HDAC9: variants seen among roughly 807,000 people sequenced by gnomAD.
The protein encoded by HDAC9 is histone deacetylase 9, also known as MEF-2 interacting transcription repressor (MITR) protein.
Under a neutral mutation model 139.4 loss-of-function variants are expected in HDAC9, and 41 were observed. The observed-to-expected ratio is 0.29, with a 90% CI of 0.23 to 0.38. HDAC9 has a LOEUF of 0.38. Ranked by LOEUF, HDAC9 falls within the 10% of genes least tolerant of loss-of-function variation. The pLI, the probability that HDAC9 is intolerant of heterozygous loss-of-function variation, is 1.00. For missense variants in HDAC9, 1,147 were observed against 1,297.0 expected, an observed-to-expected ratio of 0.88 and a Z score of 1.78; for synonymous variants, 517 against 476.2, an observed-to-expected ratio of 1.09 and a Z score of -1.12.
At chr7:18,644,214 A>T (rs1268252882) in intron 8 of HDAC9, among the ~76,000 whole-genome samples, 1 of 152,156 alleles carries the variant, frequency 6.6e-6, no homozygotes, top group Non-Finnish European at 1.5e-5. Context: ...ATATGGTGAT[A>T]TTTAATCTAA....
At chr7:18,473,425 G>C (rs1320980732) in intron 1 of HDAC9, among the ~76,000 whole-genome samples, 2 of 152,178 alleles carry the variant, frequency 1.3e-5, no homozygotes, top group African/African-American at 4.8e-5. Context: ...ATACACATCA[G>C]CTTTACAAGT....
At chr7:18,496,239 G>C in intron 1 of HDAC9, 23 bp from the exon 2 acceptor site, 1 of 1,612,054 alleles carries the variant, frequency 6.2e-7, no homozygotes. Flanking sequence ...CAATTTACGA[G>C]AGTGACTCCT....
intron 1 of HDAC9, among the ~76,000 whole-genome samples, chr7:18,113,916 G>A (rs750530720): frequency 6.6e-6 from 1 of 152,138 alleles, no homozygotes; most frequent in African/African-American, 2.4e-5. Context: ...AAATATGGCT[G>A]TTGATATTGA....
intron 1 of HDAC9, among the ~76,000 whole-genome samples, chr7:18,360,514 G>A (rs1783693568): frequency 6.6e-6 from 1 of 151,946 alleles, no homozygotes; most frequent in South Asian, 2.1e-4. Flanking sequence ...TCCATTTGCT[G>A]TGGAAAAAAA....
chr7:18,317,515 G>A (rs550383512), intron 1 of HDAC9, among the ~76,000 whole-genome samples: 4 of 152,208 alleles, frequency 2.6e-5, no homozygotes, highest in African/African-American at 7.2e-5. Flanking sequence ...AACTGTATAG[G>A]AATATCCCGT....
intron 1 of HDAC9, among the ~76,000 whole-genome samples, chr7:18,150,739 T>C (rs1269579019): frequency 1.3e-5 from 2 of 152,194 alleles, no homozygotes; most frequent in Non-Finnish European, 2.9e-5. Context: ...GGTTTTATTT[T>C]CCCAATATCA....
chr7:18,600,874 C>T lies in HDAC9; in HGVS notation c.664+6845C>T, dbSNP rs528206140. On this transcript the variant is annotated intron_variant, in intron 6 of 25. Transcript: ENST00000686413. ...GGGTCTCACTCTGTCTCCCAGGCTG[C>T]AGTGCAGTGGTGCAATCTCCTGGGC... Among the ~76,000 whole-genome samples the T allele has an allele frequency of 9.2e-5, 14 of 152,168 alleles. No homozygotes were observed. In the South Asian group the frequency reaches 2.7e-3, roughly 29 times the overall value.
At chr7:18,393,863 G>A (rs907347467) in intron 1 of HDAC9, among the ~76,000 whole-genome samples, 2 of 152,182 alleles carry the variant, frequency 1.3e-5, no homozygotes, top group Non-Finnish European at 2.9e-5. Context: ...TAAAAGCCAC[G>A]CACGGAACAA....
chr7:18,326,614 A>G lies in HDAC9; in HGVS notation c.-42+36099A>G, dbSNP rs117488986. Among the ~76,000 whole-genome samples the G allele has an allele frequency of 4.3e-4, 65 of 152,092 alleles. 1 individual carries two copies. The East Asian group carries it at 0.012, about 29-fold the overall frequency. On this transcript the variant is annotated intron_variant, in intron 1 of 3. Transcript: ENST00000413509. ...GAAAAGCAACATGTTAACAGTGTACATGCTCCATCTATAACTGTGATGAAT... is the reference window on the plus strand; with the variant it reads ...GAAAAGCAACATGTTAACAGTGTACGTGCTCCATCTATAACTGTGATGAAT...
intron 2 of HDAC9, among the ~76,000 whole-genome samples, chr7:18,505,018 G>C: frequency 6.6e-6 from 1 of 152,196 alleles, no homozygotes; most frequent in East Asian, 1.9e-4. Context: ...CAAGCATGTT[G>C]AAAGTTTTGC....
intron 1 of HDAC9, among the ~76,000 whole-genome samples, chr7:18,341,430 A>C (rs1039692334): frequency 6.6e-6 from 1 of 151,684 alleles, no homozygotes; most frequent in African/African-American, 2.4e-5. Context: ...AAAAAATTTA[A>C]TTCTCTTTTT....
intron 25 of HDAC9, among the ~76,000 whole-genome samples, chr7:18,994,245 G>A (rs934112136): frequency 2.0e-5 from 3 of 151,952 alleles, no homozygotes; most frequent in African/African-American, 7.3e-5. Context: ...GTTAGAAATT[G>A]GAAAAATCGG....
chr7:18,644,214 A>G (rs1268252882), intron 8 of HDAC9, among the ~76,000 whole-genome samples: 1 of 152,156 alleles, frequency 6.6e-6, no homozygotes, highest in Non-Finnish European at 1.5e-5. Context: ...ATATGGTGAT[A>G]TTTAATCTAA....
At chr7:18,768,658 A>G (rs1484521315) in intron 16 of HDAC9, among the ~76,000 whole-genome samples, 1 of 152,136 alleles carries the variant, frequency 6.6e-6, no homozygotes, top group Non-Finnish European at 1.5e-5. Flanking sequence ...AAATGGGGCA[A>G]AAAAATGAAA....
intron 1 of HDAC9, among the ~76,000 whole-genome samples, chr7:18,401,045 G>A (rs561031207): frequency 6.6e-6 from 1 of 152,138 alleles, no homozygotes; most frequent in Non-Finnish European, 1.5e-5. Context: ...CTGTTTATGG[G>A]CTTTCTGGAG....
At chr7:18,303,783 T>C (rs758413351) in intron 1 of HDAC9, among the ~76,000 whole-genome samples, 4 of 152,182 alleles carry the variant, frequency 2.6e-5, no homozygotes, top group Non-Finnish European at 5.9e-5. Context: ...TCTGGATCTG[T>C]GCTTTAAGAT....
At chr7:18,853,662 T>C (rs1336673228) in intron 21 of HDAC9, among the ~76,000 whole-genome samples, 1 of 152,186 alleles carries the variant, frequency 6.6e-6, no homozygotes, top group Non-Finnish European at 1.5e-5. Flanking sequence ...CTTTTAATTG[T>C]TTGTCATAAC....
intron 2 of HDAC9, among the ~76,000 whole-genome samples, chr7:18,189,966 T>A (rs900246295): frequency 2.6e-5 from 4 of 151,702 alleles, no homozygotes; most frequent in Admixed American, 2.6e-4. Flanking sequence ...TGAGACAGAG[T>A]TTTGCTCTTG....
At chr7:18,153,352 G>GA (rs1276165631) in intron 1 of HDAC9, among the ~76,000 whole-genome samples, 1 of 120,694 alleles carries the variant, frequency 8.3e-6, no homozygotes, top group Non-Finnish European at 1.7e-5. Context: ...GGAATTTTCT[G>GA]GGGTCAAATA....
Sources: allele counts gnomAD v4.1 joint callset (sites outside exome capture counted in the v4.1 genomes callset), GRCh38; gene constraint gnomAD v4.1.1; transcripts MANE v1.5; gene names NCBI Gene and HGNC (gene_info 2026-07-23, HGNC 2026-07-21).